TRIM69: variants seen among roughly 807,000 people sequenced by gnomAD.
The protein encoded by TRIM69 is E3 ubiquitin-protein ligase TRIM69.
In TRIM69, 29 loss-of-function variants were observed where a neutral mutation model predicts 37.7. The ratio of observed to expected loss-of-function variants is 0.77; its 90% confidence interval spans 0.57 to 1.05. The LOEUF (loss-of-function observed/expected upper bound fraction) is 1.05. Ranked by LOEUF, TRIM69 falls within the 50% of genes least tolerant of loss-of-function variation. The pLI, the probability that TRIM69 is intolerant of heterozygous loss-of-function variation, is 0.00. For missense variants in TRIM69, 596 were observed against 579.9 expected, an observed-to-expected ratio of 1.03 and a Z score of -0.28; for synonymous variants, 209 against 212.4, an observed-to-expected ratio of 0.98 and a Z score of 0.14.
At chr15:44,763,879 C>A (rs1283421232) in intron 6 of TRIM69, among the ~76,000 whole-genome samples, 1 of 152,110 alleles carries the variant, frequency 6.6e-6, no homozygotes, top group Non-Finnish European at 1.5e-5. Context: ...AAGTAATATA[C>A]CCTTCTGATT....
chr15:44,752,119 A>C (rs1463427554), intron 1 of TRIM69, among the ~76,000 whole-genome samples: 1 of 152,024 alleles, frequency 6.6e-6, no homozygotes, highest in Admixed American at 6.6e-5. Context: ...TTCTTTGACC[A>C]ATTAGTTAAG....
chr15:44,764,743 C>T (rs185650440), intron 6 of TRIM69, among the ~76,000 whole-genome samples: 2 of 152,322 alleles, frequency 1.3e-5, no homozygotes, highest in East Asian at 1.9e-4. Flanking sequence ...AAAATATTTG[C>T]ATGAACAAAT....
intron 1 of TRIM69, among the ~76,000 whole-genome samples, chr15:44,739,215 T>G (rs1241360681): frequency 6.6e-6 from 1 of 152,198 alleles, no homozygotes; most frequent in Admixed American, 6.5e-5. Flanking sequence ...GCTATATATT[T>G]TAAACATACT....
At position 44,767,796 on chromosome 15, in the gene TRIM69, CAG is replaced by C. The variant is rs767656901; in HGVS notation, c.*27_*28del. 5 of 1,573,774 alleles carry C rather than the reference CAG, an allele frequency of 3.2e-6. No homozygotes were observed. The highest frequency in any genetic ancestry group is 4.3e-6 in the Non-Finnish European group (5 of 1,161,222). On this transcript the variant is annotated 3_prime_UTR_variant, in exon 7 of 7. Transcript: ENST00000329464. ...AATGAGTCATAATATTATACAAATT[CAG>C]AGTGTTATTAAAGAGGTATTGAAAT... is the stretch of plus-strand genomic sequence containing the variant.
chr15:44,746,775 CACAT>C (rs1171060214), intron 1 of TRIM69, among the ~76,000 whole-genome samples: 1 of 134,872 alleles, frequency 7.4e-6, no homozygotes, highest in Non-Finnish European at 1.7e-5. Context: ...CACACACACA[CACAT>C]CTTTCTTTAA....
At chr15:44,765,628 C>T (rs1218961667) in intron 6 of TRIM69, among the ~76,000 whole-genome samples, 1 of 134,404 alleles carries the variant, frequency 7.4e-6, no homozygotes, top group African/African-American at 2.8e-5. Context: ...GTGGTGCATG[C>T]CTGTAATCCT....
At chr15:44,745,460 A>G (rs936503384) in intron 1 of TRIM69, among the ~76,000 whole-genome samples, 2 of 152,234 alleles carry the variant, frequency 1.3e-5, no homozygotes, top group Non-Finnish European at 2.9e-5. Flanking sequence ...GAGATTTCAC[A>G]TTATACTTGT....
At chr15:44,754,470 G>A (rs1022611383) in intron 1 of TRIM69, 2 of 157,570 alleles carry the variant, frequency 1.3e-5, no homozygotes, top group African/African-American at 4.8e-5. Flanking sequence ...AGGAGTGAAG[G>A]GGACCCTGGA....
chr15:44,766,157 T>TA lies in TRIM69; in HGVS notation c.962-1067dup, dbSNP rs368087214. On this transcript the variant is annotated intron_variant, in intron 6 of 6. Coordinates refer to ENST00000329464, the MANE Select transcript of TRIM69 (RefSeq NM_182985.5). ...TATAAATTACTTGAAAAAGTAAAATTAAAAAAAGCAAAGATTACAAAGTAC... is the reference window on the plus strand; with the variant it reads ...TATAAATTACTTGAAAAAGTAAAATTAAAAAAAAGCAAAGATTACAAAGTAC... 3.1e-3 allele frequency among the ~76,000 whole-genome samples: 477 copies of TA among 152,276 alleles called. 3 individuals carry two copies. The highest frequency in any genetic ancestry group is 9.7e-3 in the African/African-American group (402 of 41,558).
At chr15:44,744,086 G>A (rs1376781953) in intron 1 of TRIM69, among the ~76,000 whole-genome samples, 4 of 151,824 alleles carry the variant, frequency 2.6e-5, no homozygotes, top group African/African-American at 4.8e-5. Flanking sequence ...ACTGGATTAC[G>A]AAAATGTGGC....
chr15:44,756,329 C>A (rs774990821), intron 2 of TRIM69, 39 bp from the exon 3 acceptor site: 1 of 1,416,670 alleles, frequency 7.1e-7, no homozygotes, highest in Non-Finnish European at 9.7e-7. Flanking sequence ...TCCTTCATCT[C>A]CCGAGTTAGT....
In TRIM69 at chr15:44,767,263, G is replaced by A; in HGVS notation, c.994G>A (p.Ala332Thr). 1 of 1,613,648 alleles carries A rather than the reference G, an allele frequency of 6.2e-7. No homozygotes were observed. Among genetic ancestry groups the A allele is most frequent in the Non-Finnish European group, 8.5e-7 (1 of 1,179,948 alleles). ...TCCACTAACTCTGGACCCTAAAACA[G>A]CTCACCCAAATCTGGTGCTCTCCAA... ...LSPLTLDPKT[A>T]HPNLVLSKSQ... is the part of the protein sequence containing the mutation. The change falls in exon 7 of 7, where the codon GCT becomes ACT. Residue 332 changes from alanine (A) to threonine (T), a missense_variant. Physicochemically the swap from Ala to Thr is moderately conservative, Grantham distance 58 (BLOSUM62 0). Coordinates refer to ENST00000329464, the MANE Select transcript of TRIM69 (RefSeq NM_182985.5).
At position 44,743,352 on chromosome 15, in the gene TRIM69, A is replaced by C. The variant is rs1350888833; in HGVS notation, c.6+6642A>C. Among the ~76,000 whole-genome samples the C allele has an allele frequency of 4.6e-5, 7 of 152,346 alleles. No homozygotes were observed. In the South Asian group the frequency reaches 1.4e-3, roughly 32 times the overall value. ...AGACTTAAACATTAGACCTAAAACC[A>C]TAAAAACCCTAGAAGAAAACCTAGG... On this transcript the variant is annotated intron_variant, in intron 1 of 6. Coordinates refer to ENST00000329464, the MANE Select transcript of TRIM69 (RefSeq NM_182985.5).
intron 1 of TRIM69, among the ~76,000 whole-genome samples, chr15:44,749,315 G>A (rs1359159218): frequency 6.6e-6 from 1 of 152,122 alleles, no homozygotes; most frequent in Non-Finnish European, 1.5e-5. Context: ...CCTCTATCTA[G>A]TTTCAAAACA....
intron 6 of TRIM69, among the ~76,000 whole-genome samples, chr15:44,763,934 T>C (rs3100141): frequency 0.89 from 135,696 of 152,194 alleles, 60,962 homozygotes; most frequent in Non-Finnish European, 0.96. Flanking sequence ...CCATTCTGGT[T>C]GGCAAGATTG....
chr15:44,740,521 C>T (rs2412918), intron 1 of TRIM69, among the ~76,000 whole-genome samples: 124,445 of 152,086 alleles, frequency 0.82, 51,773 homozygotes, highest in Middle Eastern at 0.91. Flanking sequence ...ATAACCAATA[C>T]AGAGAAGTGC....
At chr15:44,763,667 A>G (rs1408001148) in intron 6 of TRIM69, among the ~76,000 whole-genome samples, 2 of 152,098 alleles carry the variant, frequency 1.3e-5, no homozygotes, top group African/African-American at 4.8e-5. Context: ...TGAATTTCAT[A>G]TTGTTTGTAC....
chr15:44,767,609 T>G lies in TRIM69; in HGVS notation c.1340T>G (p.Leu447Arg). The G allele has an allele frequency of 6.2e-7, 1 of 1,614,184 alleles. No homozygotes were observed. The highest frequency in any genetic ancestry group is 2.2e-5 in the East Asian group (1 of 44,880). ...TNNLDKVGIY[L>R]DYEGGQLSFY... Reference sequence around the variant, plus strand: ...AACCTCGACAAGGTGGGCATATACCTGGATTATGAAGGAGGACAGTTGTCC... The same window carrying G: ...AACCTCGACAAGGTGGGCATATACCGGGATTATGAAGGAGGACAGTTGTCC... Residue 447 changes from leucine (L) to arginine (R), a missense_variant, in exon 7 of 7, where the codon CTG becomes CGG. Coordinates refer to ENST00000329464, the MANE Select transcript of TRIM69 (RefSeq NM_182985.5).
intron 1 of TRIM69, among the ~76,000 whole-genome samples, chr15:44,750,950 C>CTTTTTT (rs71111890): frequency 8.9e-5 from 3 of 33,566 alleles, no homozygotes; most frequent in African/African-American, 2.4e-4. Context: ...TTTCTTTTGC[C>CTTTTTT]TTTTTTTTTT....
Sources: allele counts gnomAD v4.1 joint callset (sites outside exome capture counted in the v4.1 genomes callset), GRCh38; gene constraint gnomAD v4.1.1; transcripts MANE v1.5; gene names NCBI Gene and HGNC (gene_info 2026-07-23, HGNC 2026-07-21).